DSC3: variants seen among roughly 807,000 people sequenced by gnomAD.
DSC3 encodes desmocollin-3.
Under a neutral mutation model 89.5 loss-of-function variants are expected in DSC3, and 97 were observed. The ratio of observed to expected loss-of-function variants is 1.08; its 90% CI spans 0.92 to 1.28. The LOEUF (loss-of-function observed/expected upper bound fraction) is 1.28. Ranked by LOEUF, DSC3 falls within the 50% of genes most tolerant of loss-of-function variation. The probability of loss-of-function intolerance (pLI) is 0.00; values close to 1 mark genes in which losing one functional copy is unlikely to be tolerated. For synonymous variants in DSC3, 436 were observed against 384.1 expected (o/e 1.14, Z -1.58); for missense variants, 1,199 against 1,085.3 (o/e 1.10, Z -1.47).
At chr18:31,014,542 C>T (rs1161590241) in intron 9 of DSC3, among the ~76,000 whole-genome samples, 2 of 151,736 alleles carry the variant, frequency 1.3e-5, no homozygotes, top group Non-Finnish European at 2.9e-5. Context: ...AAATTACTGG[C>T]CTTATTAATA....
chr18:31,001,725 A>G lies in DSC3; in HGVS notation c.2128T>C (p.Leu710=). The G allele has an allele frequency of 3.1e-6, 5 of 1,605,240 alleles. No individual in the cohort carries two copies. Among genetic ancestry groups the G allele is most frequent in the Non-Finnish European group, 4.3e-6 (5 of 1,176,166 alleles). Residue 710 remains leucine (L), a synonymous_variant, in exon 14 of 16, where the codon TTA becomes CTA. Transcript: ENST00000360428. Reference sequence around the variant, plus strand: ...GTTGCACCAAAAACTCCACATACTAAAGTTAGCAATACAGCTGAATTTAAA... The same window carrying G: ...GTTGCACCAAAAACTCCACATACTAGAGTTAGCAATACAGCTGAATTTAAA... ...IALLFSVLLT[L]VCGVFGATKG...
Position 30,996,789 on chromosome 18 carries a change from A to T in DSC3, c.2493+2T>A. Reference sequence around the variant, plus strand: ...AGACTCAAAACACCTAAGGAAACTCACTTCACCGAGACGGGGTTGAGTAAA... The same window carrying T: ...AGACTCAAAACACCTAAGGAAACTCTCTTCACCGAGACGGGGTTGAGTAAA... On this transcript the variant is annotated splice_donor_variant, in intron 15 of 15. Coordinates refer to ENST00000360428, the MANE Select transcript of DSC3 (RefSeq NM_001941.5). LOFTEE classifies it high-confidence loss of function. The T allele has an allele frequency of 6.2e-7, 1 of 1,613,132 alleles. No individual in the cohort carries two copies. Among genetic ancestry groups the T allele is most frequent in the South Asian group, 1.1e-5 (1 of 91,026 alleles).
chr18:31,014,793 G>A (rs1466580302), intron 9 of DSC3, among the ~76,000 whole-genome samples: 1 of 152,076 alleles, frequency 6.6e-6, no homozygotes, highest in African/African-American at 2.4e-5. Context: ...ATGAGGTATG[G>A]CATGCAGTAA....
intron 13 of DSC3, among the ~76,000 whole-genome samples, chr18:31,002,189 C>T (rs1216309393): frequency 2.6e-5 from 4 of 152,100 alleles, no homozygotes; most frequent in Non-Finnish European, 5.9e-5. Flanking sequence ...TGTATCTTGC[C>T]TATTAAGAAT....
rs115758667 is a variant in DSC3 at position 31,031,118 on chromosome 18, T to A, written c.209A>T (p.Asp70Val). 209 of 1,613,622 alleles carry A rather than the reference T, an allele frequency of 1.3e-4. No homozygotes were observed. Among genetic ancestry groups the A allele is most frequent in the Middle Eastern group, 1.7e-4 (1 of 6,060 alleles). The change falls in exon 3 of 16, where the codon GAT becomes GTT. Residue 70 changes from aspartate to valine, a missense_variant. Coordinates refer to ENST00000360428, the MANE Select transcript of DSC3 (RefSeq NM_001941.5). ...TGACCCATCATTTAGAACTCTGAAA[T>A]CAGGATCACTTGACCGGATGAGGTC... ...SADLIRSSDP[D>V]FRVLNDGSVY... is the part of the protein sequence containing the mutation.
chr18:31,039,416 T>A (rs1244349965), intron 1 of DSC3, among the ~76,000 whole-genome samples: 1 of 152,198 alleles, frequency 6.6e-6, no homozygotes, highest in Non-Finnish European at 1.5e-5. Context: ...ATTTATGGAA[T>A]GTCTTAAATG....
intron 3 of DSC3, 146 bp from the exon 4 acceptor site, chr18:31,029,774 G>C: frequency 7.1e-6 from 7 of 989,924 alleles, no homozygotes; most frequent in Non-Finnish European, 1.1e-5. Flanking sequence ...AGTTAATAAA[G>C]TCTTTCTGCA....
At position 31,013,559 on chromosome 18, in the gene DSC3, G is replaced by A. The variant is rs945337074; in HGVS notation, c.1263+4512C>T. Among the ~76,000 whole-genome samples the A allele has an allele frequency of 1.6e-4, 24 of 152,106 alleles. No homozygotes were observed. In the South Asian group the frequency reaches 2.1e-3, roughly 13 times the overall value. On this transcript the variant is annotated intron_variant, in intron 9 of 15. Transcript: ENST00000360428. ...AATATTTGCAAAAATATTTCCTTCC[G>A]TAAAACTCTTATAAATAAATAGTTA...
In DSC3 at chr18:30,989,462, G is replaced by T. The variant is rs959909428; in HGVS notation, c.*4713C>A. 6.6e-6 allele frequency among the ~76,000 whole-genome samples: 1 copy of T among 152,076 alleles called. No homozygotes were observed. The highest frequency in any genetic ancestry group is 1.5e-5 in the Non-Finnish European group (1 of 68,014). On this transcript the variant is annotated 3_prime_UTR_variant, in exon 16 of 16. Coordinates refer to ENST00000360428, the MANE Select transcript of DSC3 (RefSeq NM_001941.5). Reference sequence around the variant, plus strand: ...CCAGGGGATAATGCAGGGAGGGGAAGAGGAGAATGACTGCTTAAAAGGTTT... The same window carrying T: ...CCAGGGGATAATGCAGGGAGGGGAATAGGAGAATGACTGCTTAAAAGGTTT...
chr18:30,997,207 T>A (rs1984506829), intron 14 of DSC3, among the ~76,000 whole-genome samples, 159 bp from the exon 15 acceptor site: 1 of 152,248 alleles, frequency 6.6e-6, no homozygotes, highest in South Asian at 2.1e-4. Flanking sequence ...GCCCAGATAC[T>A]GTCTTCATTC....
intron 6 of DSC3, among the ~76,000 whole-genome samples, chr18:31,023,992 G>A (rs149778193): frequency 1.5e-3 from 222 of 152,092 alleles, no homozygotes; most frequent in African/African-American, 5.0e-3. Context: ...AAACTATACC[G>A]ATTTTAGTTT....
chr18:31,039,607 T>C (rs1041188271), intron 1 of DSC3, among the ~76,000 whole-genome samples: 1 of 152,168 alleles, frequency 6.6e-6, no homozygotes, highest in Admixed American at 6.5e-5. Flanking sequence ...AATAAATTTG[T>C]TTCCACCCAA....
intron 9 of DSC3, among the ~76,000 whole-genome samples, chr18:31,010,877 T>C (rs1332136086): frequency 6.6e-6 from 1 of 152,228 alleles, no homozygotes; most frequent in Non-Finnish European, 1.5e-5. Context: ...ACAGAAAAGT[T>C]ATCTATTTTG....
At position 31,018,678 on chromosome 18, in the gene DSC3, G is replaced by C; in HGVS notation, c.1065C>G (p.Phe355Leu). The part of the protein sequence containing the change: ...VTDSNDNAPT[F>L]RQNAYEAFVE... ...ATTATATACTTACAGCATTTTGTCT[G>C]AAAGTGGGTGCATTATCATTTGAAT... The change falls in exon 8 of 16, where the codon TTC becomes TTG. Residue 355 changes from phenylalanine (F) to leucine (L), a missense_variant. Transcript: ENST00000360428. 6.2e-7 allele frequency: 1 copy of C among 1,613,148 alleles called. No individual in the cohort carries two copies. Among genetic ancestry groups the C allele is most frequent in the Non-Finnish European group, 8.5e-7 (1 of 1,179,864 alleles).
intron 2 of DSC3, 95 bp from the exon 3 acceptor site, chr18:31,031,267 T>G (rs1406157568): frequency 1.2e-6 from 1 of 867,538 alleles, no homozygotes; most frequent in Non-Finnish European, 1.8e-6. Context: ...AACCATGAAG[T>G]GGGATGAAAT....
chr18:31,006,938 G>C lies in DSC3; in HGVS notation c.1857C>G (p.Ile619Met), dbSNP rs778864804. ...CTTTGGTGAGGCTCCACAGTCTACTGATTTCTGGAGAAGTATTGGGCAAAC... is the reference window on the plus strand; with the variant it reads ...CTTTGGTGAGGCTCCACAGTCTACTCATTTCTGGAGAAGTATTGGGCAAAC... ...YFSLPNTSPE[I>M]SRLWSLTKVN... The change falls in exon 12 of 16, where the codon ATC becomes ATG. Residue 619 changes from isoleucine to methionine, a missense_variant. Transcript: ENST00000360428. 4 of 1,613,554 alleles carry C rather than the reference G, an allele frequency of 2.5e-6. No homozygotes were observed. The African/African-American group carries it at 5.3e-5, about 22-fold the overall frequency.
Position 30,991,756 on chromosome 18 carries a change from C to G in DSC3, c.*2419G>C, listed in dbSNP as rs955470978. Reference sequence around the variant, plus strand: ...AGACCAATATTTTGTGCCCTGAGTTCTTTCTCCCCCTGGCTTCTCGACTGT... The same window carrying G: ...AGACCAATATTTTGTGCCCTGAGTTGTTTCTCCCCCTGGCTTCTCGACTGT... On this transcript the variant is annotated 3_prime_UTR_variant, in exon 16 of 16. Transcript: ENST00000360428. 1.3e-5 allele frequency: 2 copies of G among 152,192 alleles called. No individual in the cohort carries two copies. Among genetic ancestry groups the G allele is most frequent in the African/African-American group, 4.8e-5 (2 of 41,448 alleles). The allele number at this position is 152,192 out of a possible 1,614,324, so 9.4% of individuals were successfully genotyped here.
At chr18:31,018,979 A>G (rs564816825) in intron 7 of DSC3, among the ~76,000 whole-genome samples, 179 bp from the exon 8 acceptor site, 38 of 152,382 alleles carry the variant, frequency 2.5e-4, no homozygotes, top group African/African-American at 7.0e-4. Flanking sequence ...AAAGCTGAAG[A>G]GGCAGGCAGA....
chr18:31,019,850 G>C (rs1985360885), intron 7 of DSC3, among the ~76,000 whole-genome samples: 1 of 152,080 alleles, frequency 6.6e-6, no homozygotes, highest in African/African-American at 2.4e-5. Context: ...GTAGCAATGA[G>C]GACAAAGAGA....
Sources: gnomAD v4.1 joint callset for allele counts (sites outside exome capture counted in the v4.1 genomes callset) on GRCh38, gnomAD v4.1.1 for gene constraint, MANE v1.5 for transcripts, NCBI Gene and HGNC (gene_info 2026-07-23, HGNC 2026-07-21) for gene names.